SSBP2: variants seen among roughly 807,000 people sequenced by gnomAD.
The protein encoded by SSBP2 is single-stranded DNA-binding protein 2.
In SSBP2, 17 loss-of-function variants were observed where a neutral mutation model predicts 61.8. That is an observed-to-expected ratio of 0.28 (90% CI 0.19 to 0.41). The LOEUF is 0.41. Ranked by LOEUF, SSBP2 falls within the 10% of genes least tolerant of loss-of-function variation. SSBP2 has a pLI of 1.00. For missense variants in SSBP2, 310 were observed against 458.7 expected, an observed-to-expected ratio of 0.68 and a Z score of 2.96; for synonymous variants, 139 against 141.3, an observed-to-expected ratio of 0.98 and a Z score of 0.12.
At chr5:81,492,689 T>A (rs1284891717) in intron 5 of SSBP2, among the ~76,000 whole-genome samples, 1 of 152,074 alleles carries the variant, frequency 6.6e-6, no homozygotes, top group African/African-American at 2.4e-5. Flanking sequence ...AAGGATTATT[T>A]GTAATGTGTG....
intron 1 of SSBP2, among the ~76,000 whole-genome samples, chr5:81,655,910 T>A (rs1172423329): frequency 6.6e-6 from 1 of 152,216 alleles, no homozygotes; most frequent in African/African-American, 2.4e-5. Flanking sequence ...TCTATAGTAA[T>A]TTGGATTAGA....
At chr5:81,460,953 A>C (rs892123929) in intron 10 of SSBP2, 102 bp downstream of exon 10, 16 of 572,340 alleles carry the variant, frequency 2.8e-5, no homozygotes, top group Non-Finnish European at 4.1e-5. Context: ...AAAAAGGGTT[A>C]CTACAACCAA....
intron 11 of SSBP2, 74 bp downstream of exon 11, chr5:81,448,716 C>A: frequency 1.4e-6 from 2 of 1,469,278 alleles, no homozygotes; most frequent in South Asian, 1.2e-5. Context: ...TTCTTAACAT[C>A]TGGACAACTG....
At chr5:81,538,693 T>C (rs1771006470) in intron 4 of SSBP2, among the ~76,000 whole-genome samples, 1 of 152,248 alleles carries the variant, frequency 6.6e-6, no homozygotes, top group Admixed American at 6.5e-5. Context: ...TCATTTACCA[T>C]TCTGAAAATC....
At chr5:81,615,419 G>A in intron 4 of SSBP2, 54 bp downstream of exon 4, 1 of 1,282,344 alleles carries the variant, frequency 7.8e-7, no homozygotes, top group Non-Finnish European at 1.1e-6. Flanking sequence ...TTTAAGAGCA[G>A]TGGTTAAACA....
At chr5:81,521,496 A>G (rs1025133520) in intron 4 of SSBP2, among the ~76,000 whole-genome samples, 5 of 143,666 alleles carry the variant, frequency 3.5e-5, no homozygotes, top group East Asian at 2.0e-4. Flanking sequence ...TATATATAGG[A>G]AAGTGTCTTT....
chr5:81,696,654 A>G (rs2153860891), intron 1 of SSBP2, among the ~76,000 whole-genome samples: 1 of 152,354 alleles, frequency 6.6e-6, no homozygotes, highest in South Asian at 2.1e-4. Flanking sequence ...ATTACAATTC[A>G]TAATATTTTC....
chr5:81,491,111 C>CT (rs1436327633), intron 5 of SSBP2, among the ~76,000 whole-genome samples: 3 of 152,086 alleles, frequency 2.0e-5, no homozygotes, highest in Non-Finnish European at 2.9e-5. Flanking sequence ...ATGAAGCTGT[C>CT]TTTTTAATTC....
At chr5:81,712,912 GA>G (rs1469731611) in intron 1 of SSBP2, among the ~76,000 whole-genome samples, 3 of 151,460 alleles carry the variant, frequency 2.0e-5, no homozygotes, top group African/African-American at 7.3e-5. Context: ...TTTTTTTGTA[GA>G]GACGGAGTTT....
At chr5:81,484,587 A>C (rs1487773829) in intron 6 of SSBP2, among the ~76,000 whole-genome samples, 1 of 152,108 alleles carries the variant, frequency 6.6e-6, no homozygotes, top group African/African-American at 2.4e-5. Flanking sequence ...AAAATAAAAA[A>C]TAATGAGCTC....
chr5:81,711,693 T>TAA (rs71000855), intron 1 of SSBP2, among the ~76,000 whole-genome samples: 112 of 148,866 alleles, frequency 7.5e-4, no homozygotes, highest in South Asian at 1.1e-3. Context: ...CTCTACATGA[T>TAA]AAAAAAAAAA....
At chr5:81,657,781 T>G (rs1449763197) in intron 1 of SSBP2, among the ~76,000 whole-genome samples, 1 of 152,236 alleles carries the variant, frequency 6.6e-6, no homozygotes, top group East Asian at 1.9e-4. Context: ...AATCTCTGGT[T>G]TATTTTCTGC....
At chr5:81,448,073 A>C (rs1763518051) in intron 11 of SSBP2, 1 of 152,116 alleles carries the variant, frequency 6.6e-6, no homozygotes. Context: ...TCTGTGGGAA[A>C]GATTTCCCTT....
At chr5:81,712,289 T>G (rs1410507645) in intron 1 of SSBP2, among the ~76,000 whole-genome samples, 1 of 151,900 alleles carries the variant, frequency 6.6e-6, no homozygotes, top group African/African-American at 2.4e-5. Context: ...ACATAACAGT[T>G]AAGAATATGC....
At chr5:81,636,448 T>C (rs1748240509) in intron 3 of SSBP2, 109 bp downstream of exon 3, 1 of 922,104 alleles carries the variant, frequency 1.1e-6, no homozygotes, top group East Asian at 2.7e-5. Context: ...TTCCAGAAAA[T>C]TTTAGAAAAT....
In SSBP2 at chr5:81,637,524, AT is replaced by A. The variant is rs1191830046; in HGVS notation, c.136-907del. Among the ~76,000 whole-genome samples the A allele has an allele frequency of 3.3e-5, 5 of 152,334 alleles. No individual in the cohort carries two copies. The East Asian group carries it at 9.6e-4, about 29-fold the overall frequency. ...CTTTCATAAGGTAAAAATATTAAAA[AT>A]ATCTTCATTTTAAGCAGAATGGGAT... On this transcript the variant is annotated intron_variant, in intron 2 of 16. Transcript: ENST00000320672.
intron 4 of SSBP2, among the ~76,000 whole-genome samples, chr5:81,539,014 A>G (rs187108561): frequency 1.3e-5 from 2 of 152,364 alleles, no homozygotes; most frequent in East Asian, 3.9e-4. Context: ...TATATTTCAT[A>G]AGGCTTTAAC....
At chr5:81,453,151 A>G (rs1469679907) in intron 10 of SSBP2, among the ~76,000 whole-genome samples, 1 of 151,766 alleles carries the variant, frequency 6.6e-6, no homozygotes, top group African/African-American at 2.4e-5. Flanking sequence ...AAAAAAAATT[A>G]GCCAAGCATG....
chr5:81,549,179 T>C (rs979296557), intron 4 of SSBP2, among the ~76,000 whole-genome samples: 2 of 152,184 alleles, frequency 1.3e-5, no homozygotes, highest in Non-Finnish European at 2.9e-5. Context: ...GTTGAAGACT[T>C]AGTTCAATCA....
Sources: gnomAD v4.1 joint callset for allele counts (sites outside exome capture counted in the v4.1 genomes callset) on GRCh38, gnomAD v4.1.1 for gene constraint, MANE v1.5 for transcripts, NCBI Gene and HGNC (gene_info 2026-07-23, HGNC 2026-07-21) for gene names.